The following SBF2 variants were observed in gnomAD, a reference collection of about 807,000 sequenced individuals.
The protein encoded by SBF2 is SET binding factor 2, also known as myotubularin-related protein 13.
A neutral mutation model predicts 225.2 loss-of-function variants in SBF2; 112 were observed. The observed-to-expected ratio is 0.50, with a 90% CI of 0.43 to 0.58. SBF2 has a LOEUF of 0.58. SBF2 is among the 20% of genes least tolerant of loss of function. SBF2 has a pLI of 0.00. For missense variants in SBF2, 1,996 were observed against 2,206.2 expected (o/e 0.90, Z 1.91); for synonymous variants, 763 against 773.3 (o/e 0.99, Z 0.22).
At position 10,023,711 on chromosome 11, in the gene SBF2, T is replaced by C. The variant is rs1403695046; in HGVS notation, c.619+4741A>G. Among the ~76,000 whole-genome samples the C allele has an allele frequency of 2.0e-5, 3 of 152,302 alleles. No homozygotes were observed. The South Asian group carries it at 6.2e-4, about 32-fold the overall frequency. On this transcript the variant is annotated intron_variant, in intron 6 of 39. Coordinates refer to ENST00000256190, the MANE Select transcript of SBF2 (RefSeq NM_030962.4). ...AGCACGTATCAATACTTCATTCCAT[T>C]TTACGGCTGAATAATTTTCCATTGT... is the stretch of plus-strand genomic sequence containing the variant.
intron 34 of SBF2, among the ~76,000 whole-genome samples, chr11:9,790,150 G>A (rs532282826): frequency 1.3e-5 from 2 of 152,220 alleles, no homozygotes; most frequent in African/African-American, 4.8e-5. Context: ...GCTTGGCTCC[G>A]AATATCTCTG....
chr11:10,124,936 C>T (rs1397870766), intron 2 of SBF2, among the ~76,000 whole-genome samples: 1 of 151,922 alleles, frequency 6.6e-6, no homozygotes, highest in Non-Finnish European at 1.5e-5. Context: ...AAAACCCCGT[C>T]TCTACTAAAA....
chr11:9,963,048 T>C (rs1380204337), intron 15 of SBF2, among the ~76,000 whole-genome samples: 1 of 152,242 alleles, frequency 6.6e-6, no homozygotes, highest in East Asian at 1.9e-4. Context: ...ATGTTCAGCA[T>C]GTTTCATTGA....
intron 38 of SBF2, 109 bp downstream of exon 38, chr11:9,784,239 TAAA>T: frequency 1.2e-6 from 1 of 826,946 alleles, no homozygotes; most frequent in South Asian, 1.4e-5. Context: ...TGAGAGGCAC[TAAA>T]AAAGCAGTCT....
intron 5 of SBF2, 42 bp from the exon 6 acceptor site, chr11:10,028,599 C>T: frequency 7.8e-7 from 1 of 1,282,134 alleles, no homozygotes; most frequent in Non-Finnish European, 1.1e-6. Flanking sequence ...CACACGATTT[C>T]AGCCATTTTT....
chr11:10,294,135 C>T lies in SBF2; in HGVS notation c.-66G>A, dbSNP rs1354805148. 8.3e-7 allele frequency: 1 copy of T among 1,202,204 alleles called. No homozygotes were observed. Among genetic ancestry groups the T allele is most frequent in the African/African-American group, 1.6e-5 (1 of 62,374 alleles). The allele number at this position is 1,202,204 out of a possible 1,614,324, so 74.5% of individuals were successfully genotyped here. ...GCCCTCGCCGCCGCCGCCCACCCGGCCCGGGAGGGCTCAGCATTTTCCCTG... is the reference window on the plus strand; with the variant it reads ...GCCCTCGCCGCCGCCGCCCACCCGGTCCGGGAGGGCTCAGCATTTTCCCTG... On this transcript the variant is annotated 5_prime_UTR_variant, in exon 1 of 40. Coordinates refer to ENST00000256190, the MANE Select transcript of SBF2 (RefSeq NM_030962.4).
At chr11:9,922,324 G>C (rs1194503557) in intron 16 of SBF2, among the ~76,000 whole-genome samples, 1 of 152,142 alleles carries the variant, frequency 6.6e-6, no homozygotes, top group Admixed American at 6.5e-5. Flanking sequence ...AGCTGGACTG[G>C]AAGATGAATA....
chr11:10,004,174 G>A (rs1948090204), intron 6 of SBF2, among the ~76,000 whole-genome samples: 1 of 152,016 alleles, frequency 6.6e-6, no homozygotes, highest in Non-Finnish European at 1.5e-5. Context: ...CCTCCAGATA[G>A]TTTCTAGAAT....
rs180797296 is a variant in SBF2 at position 10,022,661 on chromosome 11, T to G, written c.619+5791A>C. Among the ~76,000 whole-genome samples, 415 of 152,106 alleles carry G rather than the reference T, an allele frequency of 2.7e-3. 4 individuals carry two copies. The highest frequency in any genetic ancestry group is 9.8e-3 in the African/African-American group (406 of 41,514). On this transcript the variant is annotated intron_variant, in intron 6 of 39. Transcript: ENST00000256190. ...TAACCATGCTTTTATTTAATATTTA[T>G]CCACTTTCCTGATTTTTTTCTATAG...
At chr11:10,016,737 C>G (rs1375081208) in intron 6 of SBF2, 1 of 152,150 alleles carries the variant, frequency 6.6e-6, no homozygotes, top group African/African-American at 2.4e-5. Context: ...CTGCCCGCCT[C>G]GGCCTCCCAA....
At chr11:9,931,551 G>A (rs1422450340) in intron 16 of SBF2, among the ~76,000 whole-genome samples, 1 of 152,092 alleles carries the variant, frequency 6.6e-6, no homozygotes, top group African/African-American at 2.4e-5. Flanking sequence ...ACTGTTAAAA[G>A]GAAAACTAAA....
chr11:9,874,405 T>C (rs1859044963), intron 17 of SBF2, among the ~76,000 whole-genome samples: 1 of 152,152 alleles, frequency 6.6e-6, no homozygotes, highest in South Asian at 2.1e-4. Flanking sequence ...AAAAAAATTA[T>C]CAGAGATACA....
chr11:9,784,079 A>G (rs1272593285), intron 38 of SBF2, among the ~76,000 whole-genome samples: 1 of 152,156 alleles, frequency 6.6e-6, no homozygotes, highest in Non-Finnish European at 1.5e-5. Flanking sequence ...TGAGCATTAA[A>G]AAAAGAGTTC....
At chr11:10,264,981 T>C (rs190944005) in intron 1 of SBF2, among the ~76,000 whole-genome samples, 198 of 152,328 alleles carry the variant, frequency 1.3e-3, no homozygotes, top group African/African-American at 4.5e-3. Context: ...CAGTCTATTA[T>C]TGATGGACAT....
chr11:10,071,459 G>A (rs1471757941), intron 2 of SBF2, among the ~76,000 whole-genome samples: 2 of 151,926 alleles, frequency 1.3e-5, no homozygotes, highest in East Asian at 3.9e-4. Context: ...ATAGAGATGG[G>A]GTTTCACCAT....
intron 1 of SBF2, among the ~76,000 whole-genome samples, chr11:10,264,729 C>A (rs541297318): frequency 6.6e-6 from 1 of 151,466 alleles, no homozygotes; most frequent in Non-Finnish European, 1.5e-5. Context: ...TACTATCCCT[C>A]CCCTAGCCCC....
At chr11:10,087,649 C>T (rs1382065201) in intron 2 of SBF2, among the ~76,000 whole-genome samples, 1 of 152,160 alleles carries the variant, frequency 6.6e-6, no homozygotes, top group African/African-American at 2.4e-5. Context: ...TTTTATGAAG[C>T]TCATGAAGCT....
chr11:10,029,627 T>G, intron 5 of SBF2, 138 bp downstream of exon 5: 1 of 722,050 alleles, frequency 1.4e-6, no homozygotes, highest in Non-Finnish European at 2.5e-6. Flanking sequence ...ATGGGGACAA[T>G]GCTTAACTAA....
intron 17 of SBF2, among the ~76,000 whole-genome samples, chr11:9,871,470 C>CTTATTATTATTATTATTATTA (rs375904547): frequency 1.1e-4 from 15 of 136,938 alleles, no homozygotes; most frequent in South Asian, 4.9e-4. Context: ...CAGGATGACG[C>CTTATTATTATTATTATTATTA]TTATTATTAT....
Sources: gnomAD v4.1 joint callset for allele counts (sites outside exome capture counted in the v4.1 genomes callset) on GRCh38, gnomAD v4.1.1 for gene constraint, MANE v1.5 for transcripts, NCBI Gene and HGNC (gene_info 2026-07-23, HGNC 2026-07-21) for gene names.